LIPE: variants seen among roughly 807,000 people sequenced by gnomAD.
LIPE encodes the protein hormone-sensitive lipase.
Under a neutral mutation model 88.5 loss-of-function variants are expected in LIPE, and 66 were observed. That is an observed-to-expected ratio of 0.75 (90% confidence interval 0.61 to 0.91). LIPE has a LOEUF of 0.91. LIPE is among the 40% of genes least tolerant of loss of function. The probability of loss-of-function intolerance (pLI) is 0.00; values close to 1 mark genes in which losing one functional copy is unlikely to be tolerated. For missense variants in LIPE, 1,346 were observed against 1,434.7 expected, an observed-to-expected ratio of 0.94 and a Z score of 1.00; for synonymous variants, 570 against 617.5, an observed-to-expected ratio of 0.92 and a Z score of 1.14.
Position 42,426,516 on chromosome 19 carries a change from C to G in LIPE, c.634G>C (p.Glu212Gln), listed in dbSNP as rs779515268. 3.1e-6 allele frequency: 5 copies of G among 1,614,128 alleles called. No homozygotes were observed. In the Admixed American group the frequency reaches 8.3e-5, roughly 27 times the overall value. Residue 212 changes from glutamate to glutamine, a missense_variant, in exon 1 of 10, where the codon GAA becomes CAA. Transcript: ENST00000244289. Reference sequence around the variant, plus strand: ...AGGGCTGATCGCTGTATGGATAGTTCCTGAAGTTTTGTTAGAAATCCCAGC... The same window carrying G: ...AGGGCTGATCGCTGTATGGATAGTTGCTGAAGTTTTGTTAGAAATCCCAGC... ...TELGFLTKLQ[E>Q]LSIQRSALEW...
At position 42,414,632 on chromosome 19, in the gene LIPE, G is replaced by A. The variant is rs2040452978; in HGVS notation, c.884-3790C>T. Among the ~76,000 whole-genome samples, 2 of 152,214 alleles carry A rather than the reference G, an allele frequency of 1.3e-5. No homozygotes were observed. The highest frequency in any genetic ancestry group is 6.5e-5 in the Admixed American group (1 of 15,282). Reference sequence around the variant, plus strand: ...ATACTGCATTTTTTACAAATTGAAGGTTTGTGGCAACCCTGCGTCAAACCA... The same window carrying A: ...ATACTGCATTTTTTACAAATTGAAGATTTGTGGCAACCCTGCGTCAAACCA... On this transcript the variant is annotated intron_variant, in intron 1 of 9. Transcript: ENST00000244289. This position sits in a 1 kb window ranked among gnomAD's most constrained non-coding sequence, Gnocchi z 4.6.
intron 1 of LIPE, among the ~76,000 whole-genome samples, chr19:42,425,549 T>A (rs755975546): frequency 6.6e-6 from 1 of 152,140 alleles, no homozygotes. Context: ...CGGTGGCTCA[T>A]GCCTGTAATC....
intron 1 of LIPE, among the ~76,000 whole-genome samples, 161 bp downstream of exon 1, chr19:42,426,101 CTTTTT>C (rs1030833973): frequency 9.6e-6 from 1 of 104,094 alleles, no homozygotes; most frequent in South Asian, 2.9e-4. Context: ...TGCGCCCAGC[CTTTTT>C]TTTTTTTTTT....
rs2040173784 is a variant in LIPE at position 42,406,099 on chromosome 19, C to T, written c.2365+62G>A. 8 of 1,435,612 alleles carry T rather than the reference C, an allele frequency of 5.6e-6. No homozygotes were observed. Among genetic ancestry groups the T allele is most frequent in the East Asian group, 4.6e-5 (2 of 43,260 alleles). 88.9% of individuals were successfully genotyped at this position (1,435,612 alleles called of 1,614,324 possible). A position where few individuals can be genotyped will look rare whatever the true frequency, so the allele number is the denominator to read the frequency against. On this transcript the variant is annotated intron_variant, in intron 7 of 9. Coordinates refer to ENST00000244289, the MANE Select transcript of LIPE (RefSeq NM_005357.4). The surrounding 1 kb of genome is among the most constrained non-coding windows in gnomAD (Gnocchi z 5.7). ...GTCACAGGAGTCCTGGTCCCCAGCC[C>T]GTCCCTGCAGGAGTCAGACATCCAT...
chr19:42,407,668 C>T lies in LIPE; in HGVS notation c.1780G>A (p.Ala594Thr), dbSNP rs754508104. The change falls in exon 5 of 10, where the codon GCC becomes ACC. Residue 594 changes from alanine (A) to threonine (T), a missense_variant. Coordinates refer to ENST00000244289, the MANE Select transcript of LIPE (RefSeq NM_005357.4). This position sits in a 1 kb window ranked among gnomAD's most constrained non-coding sequence, Gnocchi z 5.8. Reference protein sequence around the residue: ...TLTVTISPPLAHTGPGPVLVR... With the variant: ...TLTVTISPPLTHTGPGPVLVR... ...AGGACGGGCCCAGGGCCTGTGTGGG[C>T]CAGTGGGGGTGAGATGGTGACCGTG... 1 of 1,608,878 alleles carries T rather than the reference C, an allele frequency of 6.2e-7. No homozygotes were observed. Among genetic ancestry groups the T allele is most frequent in the Non-Finnish European group, 8.5e-7 (1 of 1,177,580 alleles).
intron 1 of LIPE, chr19:42,424,141 G>A (rs1489665373): frequency 2.1e-5 from 25 of 1,194,538 alleles, no homozygotes; most frequent in Non-Finnish European, 2.6e-5. Flanking sequence ...CTCCTATTGC[G>A]CTTTTCCTGG....
At chr19:42,420,495 C>T (rs188293180) in intron 1 of LIPE, among the ~76,000 whole-genome samples, 1 of 152,012 alleles carries the variant, frequency 6.6e-6, no homozygotes, top group Non-Finnish European at 1.5e-5. Flanking sequence ...CATGCTTGTG[C>T]GTGTCTTGGT....
intron 1 of LIPE, chr19:42,412,712 T>TAA: frequency 1.1e-5 from 3 of 269,078 alleles, no homozygotes; most frequent in Non-Finnish European, 1.7e-5. Flanking sequence ...CCAGGAGTCC[T>TAA]AGCCCCAGTC....
chr19:42,426,214 GTAAA>G, intron 1 of LIPE, 49 bp downstream of exon 1: 1 of 1,437,348 alleles, frequency 7.0e-7, no homozygotes, highest in Non-Finnish European at 9.3e-7. Context: ...TATTTTTTAA[GTAAA>G]TGAATGACTG....
chr19:42,410,474 C>T lies in LIPE; in HGVS notation c.1252G>A (p.Ala418Thr), dbSNP rs200592126. ...NLAELEAYLA[A>T]LTQLRALVYY... The stretch of plus-strand genomic sequence containing the variant: ...ACCAGAGCGCGGAGCTGGGTGAGGG[C>T]AGCCAGGTAGGCCTCCAGCTCGGCC... Residue 418 changes from alanine (A) to threonine (T), a missense_variant, in exon 2 of 10, where the codon GCC (alanine) becomes ACC (threonine). Transcript: ENST00000244289. The surrounding 1 kb of genome is among the most constrained non-coding windows in gnomAD (Gnocchi z 6.1). 2.3e-4 allele frequency: 377 copies of T among 1,613,946 alleles called. 2 individuals carry two copies. Among genetic ancestry groups the T allele is most frequent in the South Asian group, 7.7e-4 (70 of 91,094 alleles).
chr19:42,416,212 C>T (rs561225542), intron 1 of LIPE, among the ~76,000 whole-genome samples: 7 of 151,838 alleles, frequency 4.6e-5, no homozygotes, highest in African/African-American at 7.2e-5. Context: ...GGCGTGGTGG[C>T]GCATGCCTGT....
intron 1 of LIPE, among the ~76,000 whole-genome samples, chr19:42,413,769 G>A (rs1041912600): frequency 2.6e-5 from 4 of 152,218 alleles, no homozygotes; most frequent in Non-Finnish European, 2.9e-5. Flanking sequence ...CTTCTGTCCC[G>A]GACTGTCATC....
chr19:42,423,931 G>A, intron 1 of LIPE: 1 of 1,164,266 alleles, frequency 8.6e-7, no homozygotes, highest in Non-Finnish European at 1.1e-6. Flanking sequence ...CACCTTCCCA[G>A]GGAGGGATGC....
At chr19:42,425,703 C>T (rs1410574730) in intron 1 of LIPE, among the ~76,000 whole-genome samples, 2 of 152,046 alleles carry the variant, frequency 1.3e-5, no homozygotes, top group African/African-American at 2.4e-5. Flanking sequence ...CCACCTACTC[C>T]GGAGGCTGAG....
chr19:42,403,452 G>GTTT lies in LIPE; in HGVS notation c.2543-424_2543-422dup, dbSNP rs59961297. 3.6e-3 allele frequency among the ~76,000 whole-genome samples: 511 copies of GTTT among 141,806 alleles called. 4 individuals are homozygous for GTTT. Among genetic ancestry groups the GTTT allele is most frequent in the African/African-American group, 0.012 (481 of 38,790 alleles). The allele number at this position is 141,806 out of a possible 152,430, so 93.0% of individuals were successfully genotyped here. ...TGGGGATCATAATATATCGTTTTTT[G>GTTT]TTTTTTTTTTTTTGAGACAAAGTCT... On this transcript the variant is annotated intron_variant, in intron 8 of 9. Coordinates refer to ENST00000244289, the MANE Select transcript of LIPE (RefSeq NM_005357.4).
At chr19:42,417,029 T>C (rs1407279476) in intron 1 of LIPE, among the ~76,000 whole-genome samples, 7 of 152,208 alleles carry the variant, frequency 4.6e-5, no homozygotes, top group African/African-American at 1.7e-4. Flanking sequence ...CACGCCATTC[T>C]CCTGCCTCAG....
Position 42,410,689 on chromosome 19 carries a change from A to AGC in LIPE, c.1035_1036dup (p.Leu346ArgfsTer32). On this transcript the variant is annotated frameshift_variant, in exon 2 of 10. Coordinates refer to ENST00000244289, the MANE Select transcript of LIPE (RefSeq NM_005357.4). LOFTEE classifies it high-confidence loss of function. The surrounding 1 kb of genome is among the most constrained non-coding windows in gnomAD (Gnocchi z 6.1). ...GCGGCCCAGGGCCGGCTCCAGCCCC[A>AGC]GCGCCTGCTCCCGTACACCGGCAAA... The AGC allele has an allele frequency of 6.2e-7, 1 of 1,612,906 alleles. No homozygotes were observed. Among genetic ancestry groups the AGC allele is most frequent in the Non-Finnish European group, 8.5e-7 (1 of 1,179,246 alleles).
rs148562619 is a variant in LIPE, at chr19:42,403,072, G to T, written c.2543-41C>A. 3.3e-4 allele frequency: 493 copies of T among 1,494,280 alleles called. 2 individuals carry two copies. In the African/African-American group the frequency reaches 4.3e-3, roughly 13 times the overall value. The allele number at this position is 1,494,280 out of a possible 1,614,324, so 92.6% of individuals were successfully genotyped here. A position where few individuals can be genotyped will look rare whatever the true frequency, so the allele number is the denominator to read the frequency against. On this transcript the variant is annotated intron_variant, in intron 8 of 9. Transcript: ENST00000244289. The stretch of plus-strand genomic sequence containing the variant: ...CAGATAGGCCTGGCTCCGTTAGTTT[G>T]GTTGTGTGTGTGGCTGGCAGGGAAT...
chr19:42,402,832 T>C lies in LIPE; in HGVS notation c.2742A>G (p.Pro914=), dbSNP rs2147561285. 1 of 1,613,352 alleles carries C rather than the reference T, an allele frequency of 6.2e-7. No homozygotes were observed. The highest frequency in any genetic ancestry group is 8.5e-7 in the Non-Finnish European group (1 of 1,179,644). ...STPSDVNFLL[P]PEDAGEEAEA... The stretch of plus-strand genomic sequence containing the variant: ...CAGCCTCTTCCCCTGCATCCTCAGG[T>C]GGTAATAAGAAGTTGACATCGGAGG... The change falls in exon 9 of 10, where the codon CCA becomes CCG. Residue 914 remains proline, a synonymous_variant. Coordinates refer to ENST00000244289, the MANE Select transcript of LIPE (RefSeq NM_005357.4).
Sources: allele counts gnomAD v4.1 joint callset (sites outside exome capture counted in the v4.1 genomes callset), GRCh38; gene constraint gnomAD v4.1.1; non-coding constraint Gnocchi (gnomAD v3.1); transcripts MANE v1.5; gene names NCBI Gene and HGNC (gene_info 2026-07-23, HGNC 2026-07-21).